Variants in LEKR1 observed in about 807,000 individuals in gnomAD.
LEKR1 encodes protein LEKR1.
In LEKR1, 59 loss-of-function variants were observed where a neutral mutation model predicts 72.4. The ratio of observed to expected loss-of-function variants is 0.82; its 90% CI spans 0.66 to 1.01. LEKR1 has a LOEUF of 1.01. Among genes scored for constraint, LEKR1 ranks in the 50% least tolerant of loss-of-function variants. LEKR1 has a pLI of 0.00. For synonymous variants in LEKR1, 257 were observed against 263.2 expected, an observed-to-expected ratio of 0.98 and a Z score of 0.23; for missense variants, 728 against 759.2, an observed-to-expected ratio of 0.96 and a Z score of 0.48.
chr3:157,006,141 G>C (rs1732412384), intron 9 of LEKR1, among the ~76,000 whole-genome samples: 1 of 151,886 alleles, frequency 6.6e-6, no homozygotes, highest in Non-Finnish European at 1.5e-5. Flanking sequence ...GAGTAGCTGG[G>C]ACTACAGGCG....
chr3:156,827,593 CATT>C (rs1484136101), intron 1 of LEKR1, among the ~76,000 whole-genome samples: 2 of 152,222 alleles, frequency 1.3e-5, no homozygotes, highest in African/African-American at 2.4e-5. Context: ...TTTGTAACCT[CATT>C]AGCAGATTAG....
intron 6 of LEKR1, among the ~76,000 whole-genome samples, chr3:156,964,467 T>C (rs1728386821): frequency 6.6e-6 from 1 of 152,178 alleles, no homozygotes; most frequent in African/African-American, 2.4e-5. Context: ...TAGAATTCCT[T>C]TAGTCTTAAA....
intron 6 of LEKR1, among the ~76,000 whole-genome samples, chr3:156,956,974 T>C (rs1325165049): frequency 6.6e-6 from 1 of 152,052 alleles, no homozygotes; most frequent in Non-Finnish European, 1.5e-5. Context: ...ACAAAGACTT[T>C]AATGGTAAAG....
At chr3:156,926,063 GAT>G (rs1318468490) in intron 4 of LEKR1, among the ~76,000 whole-genome samples, 2 of 152,012 alleles carry the variant, frequency 1.3e-5, no homozygotes, top group African/African-American at 4.8e-5. Context: ...TTAATAGAAA[GAT>G]AAATTTTTTA....
intron 9 of LEKR1, among the ~76,000 whole-genome samples, 194 bp downstream of exon 9, chr3:156,993,471 A>C (rs112423482): frequency 6.6e-6 from 1 of 152,026 alleles, no homozygotes; most frequent in Non-Finnish European, 1.5e-5. Context: ...AGTTGGTTAC[A>C]TGACTTGGTA....
chr3:156,952,057 T>G (rs1340017009), intron 6 of LEKR1, among the ~76,000 whole-genome samples: 1 of 151,530 alleles, frequency 6.6e-6, no homozygotes, highest in East Asian at 1.9e-4. Context: ...TCACTTGAAA[T>G]AGTCAAAATG....
intron 12 of LEKR1, among the ~76,000 whole-genome samples, chr3:157,040,663 C>A (rs536193192): frequency 1.3e-5 from 2 of 152,230 alleles, no homozygotes; most frequent in Non-Finnish European, 2.9e-5. Context: ...CCCCACCCAC[C>A]TGGACAGCCA....
At chr3:156,977,206 A>C (rs1021398429) in intron 6 of LEKR1, among the ~76,000 whole-genome samples, 1 of 152,170 alleles carries the variant, frequency 6.6e-6, no homozygotes, top group African/African-American at 2.4e-5. Context: ...CCTGGCACAG[A>C]ATACAGAGCC....
intron 6 of LEKR1, among the ~76,000 whole-genome samples, chr3:156,952,896 CAGAG>C (rs1489950173): frequency 3.3e-5 from 5 of 151,328 alleles, no homozygotes; most frequent in African/African-American, 1.2e-4. Context: ...AAGAGAGAGA[CAGAG>C]AAAGTTCCTT....
intron 3 of LEKR1, among the ~76,000 whole-genome samples, chr3:156,874,862 T>C (rs1171043105): frequency 6.6e-6 from 1 of 152,210 alleles, no homozygotes; most frequent in African/African-American, 2.4e-5. Context: ...CAAATGCCAT[T>C]ATTTTATTCC....
intron 11 of LEKR1, among the ~76,000 whole-genome samples, chr3:157,027,309 G>T (rs558752141): frequency 2.6e-5 from 4 of 152,056 alleles, no homozygotes; most frequent in African/African-American, 9.6e-5. Flanking sequence ...GCTCTGTTGG[G>T]CAGTACTGTT....
intron 3 of LEKR1, among the ~76,000 whole-genome samples, chr3:156,914,157 AT>A (rs1723371945): frequency 6.6e-6 from 1 of 152,194 alleles, no homozygotes; most frequent in African/African-American, 2.4e-5. Flanking sequence ...CTTTAAAAAA[AT>A]TTTTTACTGT....
intron 9 of LEKR1, among the ~76,000 whole-genome samples, chr3:157,005,786 C>T (rs1732374744): frequency 6.6e-6 from 1 of 151,990 alleles, no homozygotes; most frequent in Admixed American, 6.5e-5. Flanking sequence ...TGCAAAGGAT[C>T]TATATAATAA....
At chr3:156,995,294 T>TA (rs1731471846) in intron 9 of LEKR1, among the ~76,000 whole-genome samples, 1 of 152,160 alleles carries the variant, frequency 6.6e-6, no homozygotes, top group Admixed American at 6.5e-5. Flanking sequence ...GCCATGTTTT[T>TA]AAAAAAATTA....
chr3:156,982,074 G>A (rs1472576028), intron 7 of LEKR1, among the ~76,000 whole-genome samples: 3 of 152,116 alleles, frequency 2.0e-5, no homozygotes, highest in African/African-American at 7.2e-5. Flanking sequence ...TGAAACTGGG[G>A]TTCTTTTTCC....
At chr3:157,020,525 G>A (rs557167846) in intron 10 of LEKR1, among the ~76,000 whole-genome samples, 9 of 146,374 alleles carry the variant, frequency 6.1e-5, no homozygotes, top group East Asian at 2.1e-4. Flanking sequence ...GAGAACACGC[G>A]GTGTTTGGTT....
At chr3:156,931,190 A>G (rs1725191383) in intron 5 of LEKR1, among the ~76,000 whole-genome samples, 2 of 152,294 alleles carry the variant, frequency 1.3e-5, no homozygotes, top group South Asian at 4.1e-4. Context: ...AAGAATGCCT[A>G]CAAGTCAATA....
At position 157,030,151 on chromosome 3, in the gene LEKR1, G is replaced by C. The variant is rs563113200; in HGVS notation, c.1668+1749G>C. On this transcript the variant is annotated intron_variant, in intron 12 of 12. Transcript: ENST00000356539. ...TGCATCACATGGTGAGAGAGAGGTG[G>C]GGGGAGGTGCCACATTATTTTAAAC... is the stretch of plus-strand genomic sequence containing the variant. Among the ~76,000 whole-genome samples, 12 of 152,236 alleles carry C rather than the reference G, an allele frequency of 7.9e-5. No homozygotes were observed. In the South Asian group the frequency reaches 2.5e-3, roughly 32 times the overall value.
rs188639745 is a variant in LEKR1 at position 156,892,597 on chromosome 3, C to G, written c.264-27978C>G. ...TGCCATCTTCTTTTAAGCTACTGTG[C>G]TTTGGCTTAATGCCCTTTTGAAATT... On this transcript the variant is annotated intron_variant, in intron 3 of 12. Coordinates refer to ENST00000356539, the MANE Select transcript of LEKR1 (RefSeq NM_001004316.3). 2.0e-5 allele frequency among the ~76,000 whole-genome samples: 3 copies of G among 152,280 alleles called. No homozygotes were observed. In the East Asian group the frequency reaches 5.8e-4, roughly 29 times the overall value.
Sources: allele counts gnomAD v4.1 joint callset (sites outside exome capture counted in the v4.1 genomes callset), GRCh38; gene constraint gnomAD v4.1.1; transcripts MANE v1.5; gene names NCBI Gene and HGNC (gene_info 2026-07-23, HGNC 2026-07-21).